Variants in STK32B observed in about 807,000 individuals in gnomAD.
STK32B encodes serine/threonine kinase 32B.
STK32B carries 43 observed loss-of-function variants against 52.6 expected under a neutral mutation model. The observed-to-expected ratio is 0.82, with a 90% confidence interval of 0.64 to 1.05. STK32B has a LOEUF of 1.05. Ranked by LOEUF, STK32B falls within the 50% of genes least tolerant of loss-of-function variation. The probability of loss-of-function intolerance (pLI) is 0.00; values close to 1 mark genes in which losing one functional copy is unlikely to be tolerated. For missense variants in STK32B, 621 were observed against 534.6 expected (o/e 1.16, Z -1.59); for synonymous variants, 238 against 204.3 (o/e 1.17, Z -1.41).
chr4:5,225,712 C>CT (rs1441243826), intron 3 of STK32B, among the ~76,000 whole-genome samples: 2 of 152,164 alleles, frequency 1.3e-5, no homozygotes, highest in African/African-American at 4.8e-5. Flanking sequence ...ACAAGAGAAG[C>CT]TTTATATCCT....
chr4:5,432,700 T>G (rs1229728657), intron 6 of STK32B, among the ~76,000 whole-genome samples: 2 of 152,200 alleles, frequency 1.3e-5, no homozygotes, highest in Non-Finnish European at 2.9e-5. Flanking sequence ...GGGGCCTGTT[T>G]TTAGGAAGTT....
chr4:5,197,619 T>C (rs185119257), intron 3 of STK32B, among the ~76,000 whole-genome samples: 1 of 152,360 alleles, frequency 6.6e-6, no homozygotes, highest in Non-Finnish European at 1.5e-5. Flanking sequence ...TCAAGAAATA[T>C]TGGTAGAAGG....
intron 6 of STK32B, among the ~76,000 whole-genome samples, chr4:5,437,374 G>C (rs4689234): frequency 0.67 from 102,326 of 152,174 alleles, 34,556 homozygotes; most frequent in East Asian, 0.77. Flanking sequence ...CTGCCTCTTT[G>C]AGCTTCCAGT....
At chr4:5,275,324 A>G (rs746295290) in intron 3 of STK32B, among the ~76,000 whole-genome samples, 3 of 152,206 alleles carry the variant, frequency 2.0e-5, no homozygotes, top group Admixed American at 6.5e-5. Flanking sequence ...AGTTTGGCAG[A>G]TCTTATTTTA....
chr4:5,311,140 G>T (rs1730265057), intron 3 of STK32B, among the ~76,000 whole-genome samples: 1 of 152,092 alleles, frequency 6.6e-6, no homozygotes, highest in East Asian at 1.9e-4. Flanking sequence ...TGTAGATGTG[G>T]TATAGAAAAA....
chr4:5,342,404 C>T (rs934563586), intron 4 of STK32B, among the ~76,000 whole-genome samples: 3 of 152,100 alleles, frequency 2.0e-5, no homozygotes, highest in Non-Finnish European at 2.9e-5. Flanking sequence ...TTTGTAGGGA[C>T]GTAAATGAAG....
At position 5,446,699 on chromosome 4, in the gene STK32B, G is replaced by C. The variant is rs868616705; in HGVS notation, c.589G>C (p.Asp197His). 2 of 1,614,078 alleles carry C rather than the reference G, an allele frequency of 1.2e-6. No individual in the cohort carries two copies. The highest frequency in any genetic ancestry group is 3.3e-5 in the Admixed American group (2 of 60,000). The part of the protein sequence containing the change: ...MAPEVFQVYM[D>H]RGPGYSYPVD... ...TCCAGAAGTATTCCAGGTGTACATGGACAGAGGCCCCGGATACTCGTACCC... is the reference window on the plus strand; with the variant it reads ...TCCAGAAGTATTCCAGGTGTACATGCACAGAGGCCCCGGATACTCGTACCC... The change falls in exon 7 of 12, where the codon GAC becomes CAC. Residue 197 changes from aspartate to histidine, a missense_variant. Physicochemically the swap from Asp to His is moderately conservative, Grantham distance 81. Coordinates refer to ENST00000282908, the MANE Select transcript of STK32B (RefSeq NM_018401.3).
chr4:5,124,382 T>G (rs540559812), intron 1 of STK32B, among the ~76,000 whole-genome samples: 1 of 152,184 alleles, frequency 6.6e-6, no homozygotes, highest in Non-Finnish European at 1.5e-5. Flanking sequence ...GGACATTCCC[T>G]TCTTGGCCCC....
intron 3 of STK32B, among the ~76,000 whole-genome samples, chr4:5,252,197 C>A: frequency 6.6e-6 from 1 of 152,134 alleles, no homozygotes; most frequent in East Asian, 1.9e-4. Context: ...TACTTTTTAT[C>A]CCCTTCCCCA....
intron 2 of STK32B, among the ~76,000 whole-genome samples, chr4:5,163,583 A>C (rs867081796): frequency 1.0e-5 from 1 of 99,254 alleles, no homozygotes; most frequent in African/African-American, 3.4e-5. Flanking sequence ...TGTGTGTGTA[A>C]GAGAGAGAGA....
At chr4:5,067,122 C>A (rs1742455348) in intron 1 of STK32B, among the ~76,000 whole-genome samples, 2 of 152,090 alleles carry the variant, frequency 1.3e-5, no homozygotes, top group Non-Finnish European at 2.9e-5. Flanking sequence ...TGGTGGAAGG[C>A]AAAAGGTACA....
intron 3 of STK32B, among the ~76,000 whole-genome samples, chr4:5,226,250 T>C (rs1443199810): frequency 6.6e-6 from 1 of 152,208 alleles, no homozygotes; most frequent in Non-Finnish European, 1.5e-5. Flanking sequence ...GCCATTATTT[T>C]CTTAAAGTTT....
chr4:5,427,400 G>C (rs1713198846), intron 6 of STK32B, among the ~76,000 whole-genome samples: 1 of 152,058 alleles, frequency 6.6e-6, no homozygotes, highest in African/African-American at 2.4e-5. Flanking sequence ...AGTAATGCTG[G>C]CAACGTAGTT....
chr4:5,274,537 G>C (rs1727678175), intron 3 of STK32B, among the ~76,000 whole-genome samples: 1 of 151,970 alleles, frequency 6.6e-6, no homozygotes, highest in South Asian at 2.1e-4. Flanking sequence ...GCTCACACCT[G>C]ACCAATCAGA....
At chr4:5,094,138 A>G (rs1012609150) in intron 1 of STK32B, among the ~76,000 whole-genome samples, 2 of 152,204 alleles carry the variant, frequency 1.3e-5, no homozygotes, top group Admixed American at 6.5e-5. Flanking sequence ...CAGGATTGCT[A>G]CAAGGAAGGC....
chr4:5,054,835 A>G (rs775323145), intron 1 of STK32B, among the ~76,000 whole-genome samples: 8 of 152,210 alleles, frequency 5.3e-5, no homozygotes, highest in Non-Finnish European at 1.0e-4. Context: ...TGTAATTGTG[A>G]CAGGACCGTC....
chr4:5,341,386 C>T (rs750597839), intron 4 of STK32B, among the ~76,000 whole-genome samples: 30 of 152,302 alleles, frequency 2.0e-4, no homozygotes, highest in African/African-American at 6.3e-4. Context: ...CAGTCACATC[C>T]GCTAATTATT....
intron 3 of STK32B, among the ~76,000 whole-genome samples, chr4:5,243,969 G>T (rs1577236079): frequency 6.6e-6 from 1 of 152,096 alleles, no homozygotes; most frequent in African/African-American, 2.4e-5. Flanking sequence ...TGTGCTGCTG[G>T]ATTCAGTTTG....
At chr4:5,149,562 T>C (rs1717178350) in intron 2 of STK32B, among the ~76,000 whole-genome samples, 1 of 151,922 alleles carries the variant, frequency 6.6e-6, no homozygotes, top group African/African-American at 2.4e-5. Context: ...TACAGTCTGC[T>C]GAGGGTTGAT....
Sources: gnomAD v4.1 joint callset for allele counts (sites outside exome capture counted in the v4.1 genomes callset) on GRCh38, gnomAD v4.1.1 for gene constraint, MANE v1.5 for transcripts, NCBI Gene and HGNC (gene_info 2026-07-23, HGNC 2026-07-21) for gene names.